CTC1: variants seen among roughly 807,000 people sequenced by gnomAD.
CTC1 encodes CST complex subunit CTC1.
Under a neutral mutation model 136.3 loss-of-function variants are expected in CTC1, and 91 were observed. The ratio of observed to expected loss-of-function variants is 0.67; its 90% CI spans 0.56 to 0.79. CTC1 has a LOEUF of 0.79. Ranked by LOEUF, CTC1 falls within the 30% of genes least tolerant of loss-of-function variation. The pLI is 0.00. For synonymous variants in CTC1, 606 were observed against 613.8 expected (o/e 0.99, Z 0.19); for missense variants, 1,432 against 1,498.1 (o/e 0.96, Z 0.73).
rs1424716034 is a variant in CTC1 at position 8,230,485 on chromosome 17, G to C, written c.2759-17C>G. On this transcript the variant is annotated splice_polypyrimidine_tract_variant and intron_variant, in intron 16 of 22. Coordinates refer to ENST00000651323, the MANE Select transcript of CTC1 (RefSeq NM_025099.6). ...CCGTGTTCCCTATAGAAGGAAGGTG[G>C]GTGTTAGTAGGATCTGTGAAGTCCA... 1.2e-6 allele frequency: 2 copies of C among 1,613,434 alleles called. No individual in the cohort carries two copies. The highest frequency in any genetic ancestry group is 2.2e-5 in the East Asian group (1 of 44,866).
rs202212634 is a variant in CTC1, at chr17:8,234,592, G to A, written c.1681C>T (p.Arg561Cys). ...TLATLKEEGQ[R>C]KAWASFDPKA... ...GGGTCAAAGGAGGCCCAGGCCTTAC[G>A]CTGTCCTTCTTCTTTCAGGGTGGCC... The change falls in exon 10 of 23, where the codon CGT becomes TGT. Residue 561 changes from arginine to cysteine, a missense_variant. By Grantham distance (180) the Arg-to-Cys change is radical. Transcript: ENST00000651323. The A allele has an allele frequency of 1.7e-5, 28 of 1,610,556 alleles. No homozygotes were observed. The highest frequency in any genetic ancestry group is 1.6e-4 in the Middle Eastern group (1 of 6,080).
chr17:8,236,259 A>G lies in CTC1; in HGVS notation c.876T>C (p.Arg292=). The change falls in exon 6 of 23, where the codon CGT becomes CGC. Residue 292 remains arginine, a synonymous_variant. Transcript: ENST00000651323. ...VLTELRVSKI[R]GQRQHVWMTS... ...TCATCCAAACATGCTGGCGCTGACC[A>G]CGGATCTTGGACACTCGCAGTTCTG... is the stretch of plus-strand genomic sequence containing the variant. 1.2e-6 allele frequency: 2 copies of G among 1,614,094 alleles called. No homozygotes were observed. The highest frequency in any genetic ancestry group is 1.7e-6 in the Non-Finnish European group (2 of 1,180,026).
intron 2 of CTC1, among the ~76,000 whole-genome samples, chr17:8,241,598 T>G (rs1213829841): frequency 6.4e-5 from 6 of 93,044 alleles, no homozygotes; most frequent in Admixed American, 6.2e-4. Context: ...AGAATGAGAC[T>G]CCGTCTCAAA....
rs1042181900 is a variant in CTC1 at position 8,226,354 on chromosome 17, G to A, written c.*1826C>T. The A allele has an allele frequency of 6.6e-6, 1 of 152,150 alleles. No individual in the cohort carries two copies. Among genetic ancestry groups the A allele is most frequent in the African/African-American group, 2.4e-5 (1 of 41,450 alleles). The allele number at this position is 152,150 out of a possible 1,614,324, so 9.4% of individuals were successfully genotyped here. ...TGAAATTCATCTACAAGAATATAGA[G>A]CTAGGAACCCGGACCGAGCTTTTTC... is the stretch of plus-strand genomic sequence containing the variant. On this transcript the variant is annotated 3_prime_UTR_variant, in exon 23 of 23. Coordinates refer to ENST00000651323, the MANE Select transcript of CTC1 (RefSeq NM_025099.6).
intron 2 of CTC1, among the ~76,000 whole-genome samples, chr17:8,242,555 TATATA>T (rs1988354524): frequency 1.9e-5 from 1 of 54,018 alleles, no homozygotes; most frequent in Non-Finnish European, 4.2e-5. Flanking sequence ...AAAAAAAAAA[TATATA>T]TATATATATA....
chr17:8,234,958 C>T, intron 8 of CTC1, 32 bp from the exon 9 acceptor site: 1 of 1,593,938 alleles, frequency 6.3e-7, no homozygotes. Context: ...AGTCACTTCC[C>T]CTGAAGAGCC....
chr17:8,230,112 G>T (rs927315065), intron 17 of CTC1, 144 bp from the exon 18 acceptor site: 6 of 980,958 alleles, frequency 6.1e-6, no homozygotes, highest in Non-Finnish European at 7.8e-6. Flanking sequence ...GCTAGGGGAA[G>T]ACTAGGAGGA....
At chr17:8,230,765 A>T in intron 15 of CTC1, 114 bp from the exon 16 acceptor site, 1 of 850,056 alleles carries the variant, frequency 1.2e-6, no homozygotes. Flanking sequence ...TTCATATATA[A>T]AGTCCTGAAA....
At chr17:8,242,164 G>A (rs1456130417) in intron 2 of CTC1, among the ~76,000 whole-genome samples, 1 of 151,804 alleles carries the variant, frequency 6.6e-6, no homozygotes, top group Non-Finnish European at 1.5e-5. Flanking sequence ...GAGTAGCTGG[G>A]GATTGCAGGC....
intron 12 of CTC1, 66 bp from the exon 13 acceptor site, chr17:8,232,293 T>A (rs1987309851): frequency 1.9e-6 from 3 of 1,568,442 alleles, no homozygotes; most frequent in African/African-American, 2.7e-5. Flanking sequence ...GTCCCCAGCA[T>A]CCCACTCCTT....
intron 2 of CTC1, among the ~76,000 whole-genome samples, chr17:8,241,014 C>T (rs577635575): frequency 1.1e-3 from 167 of 152,106 alleles, no homozygotes; most frequent in Admixed American, 2.8e-3. Context: ...ATGGGCCGGG[C>T]GCGGTGGCTC....
In CTC1 at chr17:8,226,615, TC is replaced by T. The variant is rs1435716715; in HGVS notation, c.*1564del. ...TGCTGAAGAAAAAAATATGACGTAG[TC>T]GGCAGGATTCGAACCTGCGCGGGGA... On this transcript the variant is annotated 3_prime_UTR_variant, in exon 23 of 23. Coordinates refer to ENST00000651323, the MANE Select transcript of CTC1 (RefSeq NM_025099.6). The T allele has an allele frequency of 6.6e-6, 1 of 152,216 alleles. No individual in the cohort carries two copies. The highest frequency in any genetic ancestry group is 1.5e-5 in the Non-Finnish European group (1 of 68,046). 9.4% of individuals were successfully genotyped at this position (152,216 alleles called of 1,614,324 possible).
intron 4 of CTC1, among the ~76,000 whole-genome samples, chr17:8,237,824 T>A (rs532528367): frequency 6.6e-5 from 10 of 152,164 alleles, no homozygotes; most frequent in African/African-American, 2.4e-4. Context: ...GCTAAAAACC[T>A]TCAAAATTCT....
chr17:8,224,818 A>G lies in CTC1; in HGVS notation c.*3362T>C, dbSNP rs1986495048. ...TTTTAATAACCAAGAACTAACAAACAGCTGATCATTCGTTTATTTTATTTC... is the reference window on the plus strand; with the variant it reads ...TTTTAATAACCAAGAACTAACAAACGGCTGATCATTCGTTTATTTTATTTC... On this transcript the variant is annotated 3_prime_UTR_variant, in exon 23 of 23. Coordinates refer to ENST00000651323, the MANE Select transcript of CTC1 (RefSeq NM_025099.6). 6.6e-6 allele frequency: 1 copy of G among 152,084 alleles called. No homozygotes were observed. The highest frequency in any genetic ancestry group is 2.4e-5 in the African/African-American group (1 of 41,396). 9.4% of individuals were successfully genotyped at this position (152,084 alleles called of 1,614,324 possible). A position where few individuals can be genotyped will look rare whatever the true frequency, so the allele number is the denominator to read the frequency against.
At position 8,230,518 on chromosome 17, in the gene CTC1, C is replaced by T. The variant is rs371188925; in HGVS notation, c.2758+45G>A. On this transcript the variant is annotated intron_variant, in intron 16 of 22. Coordinates refer to ENST00000651323, the MANE Select transcript of CTC1 (RefSeq NM_025099.6). ...TAGGATCTGTGAAGTCCACAAAGTCCCATCACTCTATTTCATACCTTCCCC... is the reference window on the plus strand; with the variant it reads ...TAGGATCTGTGAAGTCCACAAAGTCTCATCACTCTATTTCATACCTTCCCC... 32 of 1,613,360 alleles carry T rather than the reference C, an allele frequency of 2.0e-5. No individual in the cohort carries two copies. The Admixed American group carries it at 2.3e-4, about 12-fold the overall frequency.
chr17:8,228,667 C>G, intron 21 of CTC1, 38 bp from the exon 22 acceptor site: 8 of 1,614,012 alleles, frequency 5.0e-6, no homozygotes, highest in Non-Finnish European at 6.8e-6. Context: ...GCTCCTAAAC[C>G]CTTTGCCAAA....
chr17:8,230,311 C>A lies in CTC1; in HGVS notation c.2916G>T (p.Leu972Phe), dbSNP rs773801194. Residue 972 changes from leucine to phenylalanine, a missense_variant, in exon 17 of 23, where the codon TTG becomes TTT. Coordinates refer to ENST00000651323, the MANE Select transcript of CTC1 (RefSeq NM_025099.6). ...LPGARVHFSQ[L>F]EKRVSRSHNV... The stretch of plus-strand genomic sequence containing the variant: ...ATCTTCACCTGGAAACCCTTTTCTC[C>A]AACTGGCTGAAGTGGACCCGGGCTC... 5.6e-6 allele frequency: 9 copies of A among 1,612,360 alleles called. No homozygotes were observed. The highest frequency in any genetic ancestry group is 7.6e-6 in the Non-Finnish European group (9 of 1,179,444).
rs926565387 is a variant in CTC1 at position 8,234,552 on chromosome 17, G to C, written c.1721C>G (p.Pro574Arg). The change falls in exon 10 of 23, where the codon CCC becomes CGC. Residue 574 changes from proline to arginine, a missense_variant. Transcript: ENST00000651323. ...GGGCAGGTAGGAGGCCTCCGGGAGG[G>C]GCAGAAGGGCCTTAGGGTCAAAGGA... ...WASFDPKALL[P>R]LPEASYLPSC... 6.3e-7 allele frequency: 1 copy of C among 1,583,806 alleles called. No individual in the cohort carries two copies. Among genetic ancestry groups the C allele is most frequent in the African/African-American group, 1.3e-5 (1 of 74,466 alleles).
chr17:8,244,264 T>G (rs1457919176), intron 1 of CTC1, among the ~76,000 whole-genome samples: 1 of 152,224 alleles, frequency 6.6e-6, no homozygotes, highest in African/African-American at 2.4e-5. Context: ...CTGTTGTCTT[T>G]TCAGCTAAGG....
Sources: gnomAD v4.1 joint callset for allele counts (sites outside exome capture counted in the v4.1 genomes callset) on GRCh38, gnomAD v4.1.1 for gene constraint, MANE v1.5 for transcripts, NCBI Gene and HGNC (gene_info 2026-07-23, HGNC 2026-07-21) for gene names.